The following KDM1A variants were observed in gnomAD, a reference collection of about 807,000 sequenced individuals.
The protein encoded by KDM1A is lysine demethylase 1A.
A neutral mutation model predicts 109.4 loss-of-function variants in KDM1A; 49 were observed. The observed-to-expected ratio is 0.45, with a 90% CI of 0.36 to 0.57. The LOEUF is 0.57. KDM1A is among the 20% of genes least tolerant of loss of function. KDM1A has a pLI of 0.00. For missense variants in KDM1A, 668 were observed against 1,116.6 expected (o/e 0.60, Z 5.73); for synonymous variants, 380 against 415.4 (o/e 0.91, Z 1.04).
chr1:23,037,303 CAAAAAAA>C (rs34692132), intron 2 of KDM1A, among the ~76,000 whole-genome samples: 2 of 55,862 alleles, frequency 3.6e-5, no homozygotes, highest in Non-Finnish European at 7.5e-5. Context: ...GACCCTGTCT[CAAAAAAA>C]AAAAAAAAAA....
rs150530881 is a variant in KDM1A at position 23,078,708 on chromosome 1, C to A, written c.1868-282C>A. On this transcript the variant is annotated intron_variant, in intron 16 of 20. Transcript: ENST00000400181. ...TTGAGTAAGTGGTATAAGGTCCTTT[C>A]ATTAGTCTAGATCACCAGTGTATCA... is the stretch of plus-strand genomic sequence containing the variant. Among the ~76,000 whole-genome samples the A allele has an allele frequency of 5.8e-3, 886 of 152,276 alleles. 9 individuals are homozygous for A. The highest frequency in any genetic ancestry group is 0.019 in the African/African-American group (808 of 41,542).
At position 23,050,494 on chromosome 1, in the gene KDM1A, G is replaced by T; in HGVS notation, c.685G>T (p.Val229Phe). Reference protein sequence around the residue: ...IISGPQQTQKVFLFIRNRTLQ... With the variant: ...IISGPQQTQKFFLFIRNRTLQ... The stretch of plus-strand genomic sequence containing the variant: ...CAGTGGACCACAACAGACCCAGAAG[G>T]TTTTTCTTTTCATTAGAAACCGCAC... Residue 229 changes from valine to phenylalanine, a missense_variant, in exon 4 of 21, where the codon GTT (valine) becomes TTT (phenylalanine). Val to Phe is a conservative substitution (Grantham distance 50, BLOSUM62 -1). Around this residue, in one of 8 missense-constraint regions of KDM1A, gnomAD observed 149 missense variants for 189.7 expected, o/e 0.79. Coordinates refer to ENST00000400181, the MANE Select transcript of KDM1A (RefSeq NM_001009999.3). 1 of 1,608,572 alleles carries T rather than the reference G, an allele frequency of 6.2e-7. No homozygotes were observed. The highest frequency in any genetic ancestry group is 8.5e-7 in the Non-Finnish European group (1 of 1,177,578).
intron 14 of KDM1A, 149 bp downstream of exon 14, chr1:23,072,346 T>G: frequency 1.5e-6 from 1 of 648,812 alleles, no homozygotes. Flanking sequence ...TGACTACTTT[T>G]GAGGTTTCTA....
At chr1:23,083,096 G>T in intron 20 of KDM1A, 83 bp from the exon 21 acceptor site, 1 of 1,311,682 alleles carries the variant, frequency 7.6e-7, no homozygotes, top group Non-Finnish European at 1.1e-6. Context: ...AAGGTCAACA[G>T]CAATTTAAGT....
intron 19 of KDM1A, 134 bp from the exon 20 acceptor site, chr1:23,082,086 T>A: frequency 1.1e-6 from 1 of 882,182 alleles, no homozygotes; most frequent in Non-Finnish European, 1.7e-6. Context: ...CATTCATCAC[T>A]TGATCACTGG....
chr1:23,055,407 G>A (rs890514980), intron 6 of KDM1A: 8 of 246,964 alleles, frequency 3.2e-5, no homozygotes, highest in Non-Finnish European at 6.0e-5. Flanking sequence ...AAAGATACTG[G>A]ATTTCCAATT....
At chr1:23,063,128 C>CT (rs752039392) in intron 9 of KDM1A, among the ~76,000 whole-genome samples, 3,614 of 117,946 alleles carry the variant, frequency 0.031, 193 homozygotes, top group Admixed American at 0.17. Flanking sequence ...ATGGGCTTTA[C>CT]TTTTTTTTTT....
At chr1:23,031,024 C>G (rs985847784) in intron 2 of KDM1A, among the ~76,000 whole-genome samples, 1 of 152,196 alleles carries the variant, frequency 6.6e-6, no homozygotes, top group African/African-American at 2.4e-5. Flanking sequence ...AGAAATTGTT[C>G]TGGCTAAATG....
At chr1:23,077,428 C>T (rs1208903066) in intron 16 of KDM1A, 68 bp downstream of exon 16, 5 of 1,491,548 alleles carry the variant, frequency 3.4e-6, no homozygotes, top group African/African-American at 1.4e-5. Context: ...TTGTTAGGTG[C>T]GACCTATCAG....
At chr1:23,058,902 C>T (rs1431362006) in intron 8 of KDM1A, among the ~76,000 whole-genome samples, 171 bp from the exon 9 acceptor site, 2 of 150,558 alleles carry the variant, frequency 1.3e-5, no homozygotes, top group African/African-American at 4.9e-5. Flanking sequence ...ATTTTTTTGC[C>T]TTCATGTTTG....
intron 13 of KDM1A, among the ~76,000 whole-genome samples, chr1:23,071,735 T>G (rs1173220005): frequency 2.6e-5 from 4 of 152,200 alleles, no homozygotes; most frequent in Admixed American, 2.6e-4. Context: ...ATCTGTAACA[T>G]GGTCTTAACA....
At chr1:23,072,422 C>T (rs921370263) in intron 14 of KDM1A, among the ~76,000 whole-genome samples, 4 of 152,128 alleles carry the variant, frequency 2.6e-5, no homozygotes, top group Non-Finnish European at 2.9e-5. Context: ...AAGAGAGAGC[C>T]TTTCTCCGTA....
At chr1:23,067,848 G>C (rs1174243722) in intron 10 of KDM1A, among the ~76,000 whole-genome samples, 3 of 152,188 alleles carry the variant, frequency 2.0e-5, no homozygotes, top group Non-Finnish European at 4.4e-5. Context: ...CTTCCAGCTT[G>C]ATGACCTGCT....
At chr1:23,053,577 G>A (rs926576572) in intron 4 of KDM1A, among the ~76,000 whole-genome samples, 184 bp from the exon 5 acceptor site, 8 of 151,960 alleles carry the variant, frequency 5.3e-5, no homozygotes, top group South Asian at 4.2e-4. Flanking sequence ...GTTGAGATGG[G>A]GTCTCACTAT....
At chr1:23,034,389 A>G (rs1473931009) in intron 2 of KDM1A, among the ~76,000 whole-genome samples, 1 of 152,202 alleles carries the variant, frequency 6.6e-6, no homozygotes, top group African/African-American at 2.4e-5. Context: ...AGCGTCACAT[A>G]ATAGTGGAGC....
chr1:23,019,897 A>G lies in KDM1A; in HGVS notation c.301A>G (p.Ile101Val), dbSNP rs1641562807. 4 of 1,572,722 alleles carry G rather than the reference A, an allele frequency of 2.5e-6. No individual in the cohort carries two copies. In the South Asian group the frequency reaches 3.4e-5, roughly 13 times the overall value. Residue 101 changes from isoleucine to valine, a missense_variant, in exon 1 of 21, where the codon ATA (isoleucine) becomes GTA (valine). This residue lies in a region of KDM1A where 156 missense variants were observed against 163.4 expected (regional missense o/e 0.95). Transcript: ENST00000400181. ...GTCTGCGACCCCCATGGAAACTGGA[A>G]TAGCAGAGACTCCGGAGGGGCGTCG... Reference protein sequence around the residue: ...PGSATPMETGIAETPEGRRTS... With the variant: ...PGSATPMETGVAETPEGRRTS...
At chr1:23,045,707 T>C (rs961462755) in intron 3 of KDM1A, among the ~76,000 whole-genome samples, 1 of 152,090 alleles carries the variant, frequency 6.6e-6, no homozygotes, top group Admixed American at 6.6e-5. Flanking sequence ...CTCTTTTGCA[T>C]TAAGTAAACA....
intron 1 of KDM1A, among the ~76,000 whole-genome samples, chr1:23,029,542 C>G (rs1186025463): frequency 1.3e-5 from 2 of 152,196 alleles, no homozygotes; most frequent in Non-Finnish European, 2.9e-5. Flanking sequence ...CCTCTTTTTG[C>G]TAATGACATA....
chr1:23,077,338 A>T lies in KDM1A; in HGVS notation c.1845A>T (p.Arg615=). ...GLDIKLNTAV[R]QVRYTASGCE... ...ACATTAAACTGAATACAGCAGTGCG[A>T]CAGGTTCGCTACACGGCTTCAGGTA... is the stretch of plus-strand genomic sequence containing the variant. The change falls in exon 16 of 21, where the codon CGA becomes CGT. Residue 615 remains arginine (R), a synonymous_variant. Coordinates refer to ENST00000400181, the MANE Select transcript of KDM1A (RefSeq NM_001009999.3). The T allele has an allele frequency of 6.2e-7, 1 of 1,613,432 alleles. No individual in the cohort carries two copies. The highest frequency in any genetic ancestry group is 8.5e-7 in the Non-Finnish European group (1 of 1,179,506).
Sources: gnomAD v4.1 joint callset for allele counts (sites outside exome capture counted in the v4.1 genomes callset) on GRCh38, gnomAD v4.1.1 for gene constraint, gnomAD v4.1.1 regional missense constraint, MANE v1.5 for transcripts, NCBI Gene and HGNC (gene_info 2026-07-23, HGNC 2026-07-21) for gene names.